Variants in STXBP5L observed in about 807,000 individuals in gnomAD.
STXBP5L encodes syntaxin binding protein 5L.
In STXBP5L, 65 loss-of-function variants were observed where a neutral mutation model predicts 144.5. That is an observed-to-expected ratio of 0.45 (90% confidence interval 0.37 to 0.55). The LOEUF is 0.55. STXBP5L is among the 20% of genes least tolerant of loss of function. STXBP5L has a pLI of 0.00. For missense variants in STXBP5L, 1,298 were observed against 1,405.5 expected, an observed-to-expected ratio of 0.92 and a Z score of 1.22; for synonymous variants, 505 against 469.6, an observed-to-expected ratio of 1.08 and a Z score of -0.97.
chr3:121,072,249 C>T (rs116447841), intron 5 of STXBP5L, among the ~76,000 whole-genome samples: 329 of 152,290 alleles, frequency 2.2e-3, no homozygotes, highest in Non-Finnish European at 3.7e-3. Context: ...CTAGCATGTA[C>T]CAGTAGCCTC....
At chr3:121,153,997 A>G (rs2046028867) in intron 8 of STXBP5L, among the ~76,000 whole-genome samples, 1 of 151,856 alleles carries the variant, frequency 6.6e-6, no homozygotes, top group Non-Finnish European at 1.5e-5. Context: ...GCCAGTTGGA[A>G]TTAGAATAAC....
intron 3 of STXBP5L, among the ~76,000 whole-genome samples, chr3:120,994,650 T>G (rs1187275185): frequency 2.0e-5 from 3 of 152,186 alleles, no homozygotes; most frequent in Non-Finnish European, 4.4e-5. Context: ...TCATGCTATA[T>G]TATCTTTCTG....
intron 18 of STXBP5L, among the ~76,000 whole-genome samples, chr3:121,268,123 G>A (rs1168973712): frequency 6.6e-6 from 1 of 152,114 alleles, no homozygotes; most frequent in Non-Finnish European, 1.5e-5. Context: ...GTTTATTGCA[G>A]CACTGTCCAC....
At chr3:121,184,313 C>G (rs2047281206) in intron 9 of STXBP5L, among the ~76,000 whole-genome samples, 1 of 88,992 alleles carries the variant, frequency 1.1e-5, no homozygotes, top group Admixed American at 1.2e-4. Context: ...AGTTAAGAAC[C>G]TTGAAAAAAG....
intron 22 of STXBP5L, among the ~76,000 whole-genome samples, chr3:121,383,940 G>A (rs946009827): frequency 2.0e-5 from 3 of 152,128 alleles, no homozygotes; most frequent in African/African-American, 7.2e-5. Flanking sequence ...TTTAGCACTT[G>A]TCCATTGTCA....
At chr3:121,113,835 G>A (rs2044114901) in intron 5 of STXBP5L, among the ~76,000 whole-genome samples, 1 of 151,672 alleles carries the variant, frequency 6.6e-6, no homozygotes, top group African/African-American at 2.4e-5. Context: ...ACCACGCCCG[G>A]CTAATTTTTT....
chr3:121,391,800 T>C (rs1413607719), intron 22 of STXBP5L, among the ~76,000 whole-genome samples: 2 of 152,158 alleles, frequency 1.3e-5, no homozygotes, highest in Non-Finnish European at 2.9e-5. Context: ...GGCAGCCACC[T>C]ATATGAGGTG....
intron 22 of STXBP5L, among the ~76,000 whole-genome samples, chr3:121,385,633 A>G (rs759470174): frequency 6.6e-6 from 1 of 152,188 alleles, no homozygotes; most frequent in Non-Finnish European, 1.5e-5. Flanking sequence ...TAGCCATCAT[A>G]CTACCTAAAT....
At chr3:121,285,395 T>C (rs1016560485) in intron 19 of STXBP5L, among the ~76,000 whole-genome samples, 5 of 152,074 alleles carry the variant, frequency 3.3e-5, no homozygotes, top group African/African-American at 1.2e-4. Context: ...TCTCTAAGTG[T>C]CTTTTTTAAA....
intron 3 of STXBP5L, among the ~76,000 whole-genome samples, chr3:120,958,747 A>G (rs1483352282): frequency 6.6e-6 from 1 of 152,216 alleles, no homozygotes; most frequent in Non-Finnish European, 1.5e-5. Context: ...TATTGATGGG[A>G]CGTATCTCTA....
chr3:121,098,557 C>A (rs1448599081), intron 5 of STXBP5L, among the ~76,000 whole-genome samples: 1 of 152,186 alleles, frequency 6.6e-6, no homozygotes, highest in African/African-American at 2.4e-5. Flanking sequence ...TACCCATTTC[C>A]AACATCAGAC....
chr3:121,354,157 G>C (rs1406093784), intron 20 of STXBP5L, among the ~76,000 whole-genome samples: 1 of 152,164 alleles, frequency 6.6e-6, no homozygotes, highest in Non-Finnish European at 1.5e-5. Context: ...TGTATATTCT[G>C]TTGATTTGGG....
intron 10 of STXBP5L, among the ~76,000 whole-genome samples, chr3:121,207,428 A>G (rs1209331154): frequency 6.6e-6 from 1 of 152,220 alleles, no homozygotes; most frequent in Non-Finnish European, 1.5e-5. Flanking sequence ...GTGGGCAAGG[A>G]CTTCATGTCT....
chr3:121,390,710 C>T (rs2046560390), intron 22 of STXBP5L, among the ~76,000 whole-genome samples: 1 of 152,142 alleles, frequency 6.6e-6, no homozygotes, highest in Non-Finnish European at 1.5e-5. Flanking sequence ...TGAATATTGG[C>T]CCCCACTCTC....
intron 5 of STXBP5L, among the ~76,000 whole-genome samples, chr3:121,077,453 G>A (rs1022328207): frequency 1.3e-5 from 2 of 152,142 alleles, no homozygotes; most frequent in Non-Finnish European, 1.5e-5. Context: ...CGCTGGCTAG[G>A]AGTGAAGCTG....
chr3:121,253,176 G>A (rs912926830), intron 15 of STXBP5L, among the ~76,000 whole-genome samples: 1 of 151,506 alleles, frequency 6.6e-6, no homozygotes, highest in African/African-American at 2.4e-5. Context: ...CCAGGCTATA[G>A]CACGCAATAC....
chr3:121,378,253 G>A (rs2046240425), intron 20 of STXBP5L, among the ~76,000 whole-genome samples: 1 of 152,152 alleles, frequency 6.6e-6, no homozygotes, highest in East Asian at 1.9e-4. Context: ...AGGTTTATAG[G>A]TACAGCAAAC....
chr3:121,112,510 T>C (rs1480609077), intron 5 of STXBP5L, among the ~76,000 whole-genome samples: 2 of 151,988 alleles, frequency 1.3e-5, no homozygotes, highest in Non-Finnish European at 2.9e-5. Flanking sequence ...GATACCTCAG[T>C]TGCCGGTGCG....
chr3:120,962,132 T>A (rs983817593), intron 3 of STXBP5L, among the ~76,000 whole-genome samples: 1 of 149,432 alleles, frequency 6.7e-6, no homozygotes, highest in African/African-American at 2.5e-5. Flanking sequence ...TTTGTTTTTT[T>A]CTGGTAAATT....
Sources: gnomAD v4.1 joint callset for allele counts (sites outside exome capture counted in the v4.1 genomes callset) on GRCh38, gnomAD v4.1.1 for gene constraint, MANE v1.5 for transcripts, NCBI Gene and HGNC (gene_info 2026-07-23, HGNC 2026-07-21) for gene names.